Variants in WDFY3 observed in about 807,000 individuals in gnomAD.
WDFY3 encodes the protein WD repeat and FYVE domain-containing protein 3.
A neutral mutation model predicts 409.6 loss-of-function variants in WDFY3; 66 were observed. The ratio of observed to expected loss-of-function variants is 0.16; its 90% confidence interval spans 0.13 to 0.20. The LOEUF (loss-of-function observed/expected upper bound fraction) is 0.20. Ranked by LOEUF, WDFY3 falls within the 10% of genes least tolerant of loss-of-function variation. The pLI is 1.00. For synonymous variants in WDFY3, 1,521 were observed against 1,537.1 expected, an observed-to-expected ratio of 0.99 and a Z score of 0.25; for missense variants, 3,031 against 4,298.1, an observed-to-expected ratio of 0.71 and a Z score of 8.24.
At chr4:84,753,195 T>C (rs905748035) in intron 35 of WDFY3, among the ~76,000 whole-genome samples, 2 of 152,108 alleles carry the variant, frequency 1.3e-5, no homozygotes, top group African/African-American at 4.8e-5. Context: ...TTTAAGTTAG[T>C]ACAAAATAAG....
intron 1 of WDFY3, among the ~76,000 whole-genome samples, chr4:84,948,191 G>A (rs1401433817): frequency 6.6e-6 from 1 of 152,102 alleles, no homozygotes; most frequent in Non-Finnish European, 1.5e-5. Flanking sequence ...TTCCTAAAGG[G>A]TAATTTTGCC....
chr4:84,895,716 A>G (rs1050640808), intron 3 of WDFY3, among the ~76,000 whole-genome samples: 11 of 152,232 alleles, frequency 7.2e-5, no homozygotes, highest in African/African-American at 2.7e-4. Flanking sequence ...CGATAAAGGC[A>G]GTGCCAGTAG....
chr4:84,782,700 C>A (rs1186283243), intron 25 of WDFY3, among the ~76,000 whole-genome samples: 9 of 152,162 alleles, frequency 5.9e-5, no homozygotes, highest in Non-Finnish European at 1.5e-5. Context: ...TATGTCCCTG[C>A]AAAGGACATG....
chr4:84,696,664 C>A, intron 57 of WDFY3, 68 bp downstream of exon 57: 1 of 1,502,034 alleles, frequency 6.7e-7, no homozygotes, highest in Non-Finnish European at 9.2e-7. Context: ...GGCTAGAGGC[C>A]CTGTCTTTGT....
At chr4:84,689,629 T>C (rs1166674816) in intron 61 of WDFY3, among the ~76,000 whole-genome samples, 1 of 152,214 alleles carries the variant, frequency 6.6e-6, no homozygotes, top group Non-Finnish European at 1.5e-5. Context: ...AGTTTGGCTT[T>C]ATAATAGCTT....
rs1454957900 is a variant in WDFY3 at position 84,785,959 on chromosome 4, C to T, written c.4062+20G>A. 4 of 1,612,724 alleles carry T rather than the reference C, an allele frequency of 2.5e-6. No homozygotes were observed. ...CCAGTGAGAATCAGCCATAGTACAC[C>T]AAGAAATCATTCTGCTTACCTGCTT... On this transcript the variant is annotated intron_variant, in intron 24 of 67. Coordinates refer to ENST00000295888, the MANE Select transcript of WDFY3 (RefSeq NM_014991.6).
chr4:84,936,140 G>A (rs1214588078), intron 1 of WDFY3, among the ~76,000 whole-genome samples: 1 of 152,116 alleles, frequency 6.6e-6, no homozygotes, highest in African/African-American at 2.4e-5. Context: ...TTAGCTAGAT[G>A]ATTAGCTATA....
At chr4:84,916,729 C>T (rs1311147472) in intron 2 of WDFY3, among the ~76,000 whole-genome samples, 1 of 152,114 alleles carries the variant, frequency 6.6e-6, no homozygotes, top group African/African-American at 2.4e-5. Context: ...AATGAATATA[C>T]TGAATTAATA....
In WDFY3 at chr4:84,677,270, G is replaced by C. The variant is rs1258371654; in HGVS notation, c.10386C>G (p.Gly3462=). Residue 3462 remains glycine (G), a synonymous_variant, in exon 67 of 68, where the codon GGC becomes GGG. Coordinates refer to ENST00000295888, the MANE Select transcript of WDFY3 (RefSeq NM_014991.6). ...CTGTGAGTGAAAACCTCACCGAGCA[G>C]CCTGAGCAGCTGTCACCACCTTCAT... ...VKDEGGDSCS[G]CSVRFSLTER... 6.2e-7 allele frequency: 1 copy of C among 1,614,212 alleles called. No homozygotes were observed. Among genetic ancestry groups the C allele is most frequent in the Non-Finnish European group, 8.5e-7 (1 of 1,180,036 alleles).
chr4:84,757,663 C>T (rs1171898497), intron 32 of WDFY3, among the ~76,000 whole-genome samples: 1 of 151,958 alleles, frequency 6.6e-6, no homozygotes, highest in Non-Finnish European at 1.5e-5. Context: ...CTGCAATCTC[C>T]ACCTCCTAGG....
chr4:84,954,693 T>G (rs1329510488), intron 1 of WDFY3, among the ~76,000 whole-genome samples: 2 of 152,246 alleles, frequency 1.3e-5, no homozygotes, highest in Non-Finnish European at 2.9e-5. Context: ...AAATGTTTAC[T>G]GAAAGTCAAT....
At chr4:84,881,955 C>T (rs191344186) in intron 3 of WDFY3, among the ~76,000 whole-genome samples, 4 of 152,054 alleles carry the variant, frequency 2.6e-5, no homozygotes, top group African/African-American at 4.8e-5. Flanking sequence ...TATGTACATT[C>T]GTATGGTCGT....
At position 84,829,141 on chromosome 4, in the gene WDFY3, G is replaced by A; in HGVS notation, c.819C>T (p.Asp273=). 6.2e-7 allele frequency: 1 copy of A among 1,612,632 alleles called. No individual in the cohort carries two copies. Among genetic ancestry groups the A allele is most frequent in the South Asian group, 1.1e-5 (1 of 90,876 alleles). ...TCVQNMQQSD[D]LSPLEIVEMF... Reference sequence around the variant, plus strand: ...TTTCGACAATTTCTAGGGGAGACAGGTCATCTGATTGCTGCATATTCTGAA... The same window carrying A: ...TTTCGACAATTTCTAGGGGAGACAGATCATCTGATTGCTGCATATTCTGAA... Residue 273 remains aspartate, a synonymous_variant, in exon 9 of 68, where the codon GAC becomes GAT. Coordinates refer to ENST00000295888, the MANE Select transcript of WDFY3 (RefSeq NM_014991.6).
In WDFY3 at chr4:84,764,697, T is replaced by TAA. The variant is rs1340676664; in HGVS notation, c.5188+1111_5188+1112dup. 3.5e-3 allele frequency among the ~76,000 whole-genome samples: 494 copies of TAA among 141,510 alleles called. 2 individuals carry two copies. Among genetic ancestry groups the TAA allele is most frequent in the African/African-American group, 0.012 (445 of 38,670 alleles). 92.8% of individuals were successfully genotyped at this position (141,510 alleles called of 152,430 possible). A position where few individuals can be genotyped will look rare whatever the true frequency, so the allele number is the denominator to read the frequency against. Reference sequence around the variant, plus strand: ...TAACATGGTGAAACCCCGTCTCTACTAAAAAAAAAAAAATACAAAAAATTA... The same window carrying TAA: ...TAACATGGTGAAACCCCGTCTCTACTAAAAAAAAAAAAAAATACAAAAAATTA... On this transcript the variant is annotated intron_variant, in intron 32 of 67. Coordinates refer to ENST00000295888, the MANE Select transcript of WDFY3 (RefSeq NM_014991.6).
At chr4:84,818,691 C>T (rs1238948954) in intron 12 of WDFY3, among the ~76,000 whole-genome samples, 1 of 152,054 alleles carries the variant, frequency 6.6e-6, no homozygotes, top group Non-Finnish European at 1.5e-5. Flanking sequence ...TTAGGACCCA[C>T]TAGATAATCA....
chr4:84,914,506 C>A (rs1417154104), intron 2 of WDFY3, among the ~76,000 whole-genome samples: 1 of 152,088 alleles, frequency 6.6e-6, no homozygotes, highest in East Asian at 1.9e-4. Flanking sequence ...CATAAATTTT[C>A]GACTGGAGGG....
At chr4:84,708,560 A>G (rs1732375599) in intron 53 of WDFY3, among the ~76,000 whole-genome samples, 1 of 151,546 alleles carries the variant, frequency 6.6e-6, no homozygotes, top group African/African-American at 2.4e-5. Context: ...TTGTGGAGAC[A>G]GAGTCTTGCT....
chr4:84,757,699 C>G (rs888493843), intron 32 of WDFY3, among the ~76,000 whole-genome samples: 11 of 152,158 alleles, frequency 7.2e-5, no homozygotes, highest in Non-Finnish European at 1.3e-4. Context: ...CCACCTCAGC[C>G]TCCTGAGTAG....
At chr4:84,807,817 T>G (rs969334822) in intron 15 of WDFY3, among the ~76,000 whole-genome samples, 13 of 152,140 alleles carry the variant, frequency 8.5e-5, no homozygotes, top group Non-Finnish European at 1.6e-4. Flanking sequence ...AAAGCTTAGC[T>G]GTGAGCATTT....
Sources: gnomAD v4.1 joint callset for allele counts (sites outside exome capture counted in the v4.1 genomes callset) on GRCh38, gnomAD v4.1.1 for gene constraint, MANE v1.5 for transcripts, NCBI Gene and HGNC (gene_info 2026-07-23, HGNC 2026-07-21) for gene names.